The following NUP210 variants were observed in gnomAD, a reference collection of about 807,000 sequenced individuals.
NUP210 encodes the protein nuclear pore membrane glycoprotein 210.
NUP210 carries 151 observed loss-of-function variants against 196.0 expected under a neutral mutation model. That is an observed-to-expected ratio of 0.77 (90% CI 0.67 to 0.88). The LOEUF (loss-of-function observed/expected upper bound fraction) is 0.88. Ranked by LOEUF, NUP210 falls within the 40% of genes least tolerant of loss-of-function variation. The pLI, the probability that NUP210 is intolerant of heterozygous loss-of-function variation, is 0.00. For synonymous variants in NUP210, 1,070 were observed against 1,052.7 expected (o/e 1.02, Z -0.32); for missense variants, 2,314 against 2,493.7 (o/e 0.93, Z 1.53).
intron 39 of NUP210, 140 bp downstream of exon 39, chr3:13,318,932 T>TC: frequency 1.3e-6 from 1 of 769,276 alleles, no homozygotes; most frequent in East Asian, 2.7e-5. Flanking sequence ...GGCTCCCACA[T>TC]CTGTCCTCTG....
Position 13,322,193 on chromosome 3 carries a change from C to T in NUP210, c.4915G>A (p.Gly1639Ser), listed in dbSNP as rs757501189. The change falls in exon 35 of 40, where the codon GGC (glycine) becomes AGC (serine). Residue 1639 changes from glycine to serine, a missense_variant and splice_region_variant. Transcript: ENST00000254508. Reference sequence around the variant, plus strand: ...TTCACTTTCAAATCCTCGCAATTACCGAGAGCAGTGTCAAACTGTGGCTCC... The same window carrying T: ...TTCACTTTCAAATCCTCGCAATTACTGAGAGCAGTGTCAAACTGTGGCTCC... ...TVEPQFDTALGQYFCSITMHR... is the reference protein window; with the variant it reads ...TVEPQFDTALSQYFCSITMHR... The T allele has an allele frequency of 4.8e-5, 78 of 1,614,098 alleles. No homozygotes were observed. Among genetic ancestry groups the T allele is most frequent in the Non-Finnish European group, 6.2e-5 (73 of 1,180,038 alleles).
chr3:13,335,406 T>C (rs771540387), intron 28 of NUP210, 48 bp downstream of exon 28: 1 of 1,584,580 alleles, frequency 6.3e-7, no homozygotes, highest in East Asian at 2.3e-5. Context: ...ATTGGGCAGC[T>C]GGCACTTCCT....
rs1244457303 is a variant in NUP210 at position 13,379,359 on chromosome 3, C to T, written c.976+204G>A. Among the ~76,000 whole-genome samples the T allele has an allele frequency of 6.6e-6, 1 of 152,120 alleles. No individual in the cohort carries two copies. The highest frequency in any genetic ancestry group is 1.5e-5 in the Non-Finnish European group (1 of 68,018). ...GACACTCAGCTCCTGCCATCACCTC[C>T]CACCGCTGGGAGCCTCTGGGGTGAG... On this transcript the variant is annotated intron_variant, in intron 7 of 39. Transcript: ENST00000254508. The surrounding 1 kb of genome is among the most constrained non-coding windows in gnomAD (Gnocchi z 4.2).
In NUP210 at chr3:13,351,918, A is replaced by G. The variant is rs768903515; in HGVS notation, c.2796T>C (p.Val932=). The G allele has an allele frequency of 6.2e-6, 10 of 1,613,798 alleles. No individual in the cohort carries two copies. In the East Asian group the frequency reaches 1.3e-4, roughly 22 times the overall value. Residue 932 remains valine, a synonymous_variant, in exon 20 of 40, where the codon GTT becomes GTC. Coordinates refer to ENST00000254508, the MANE Select transcript of NUP210 (RefSeq NM_024923.4). ...YFFLNTSTAD[V]VKVAYQEARG... ...TGGCCTCCTGGTAGGCCACCTTGAC[A>G]ACATCTGCGGTGCTGGTGTTGAGGA...
chr3:13,342,093 C>CTTCA lies in NUP210; in HGVS notation c.2994_2995insTGAA (p.Val999Ter). ...TTCTTGTGCAAGTCCAGCACGCGGA[C>CTTCA]GTATGCCTTCACTGTCTTCCCAATC... is the stretch of plus-strand genomic sequence containing the variant. On this transcript the variant is annotated stop_gained and frameshift_variant, in exon 22 of 40. Coordinates refer to ENST00000254508, the MANE Select transcript of NUP210 (RefSeq NM_024923.4). LOFTEE classifies it high-confidence loss of function. The CTTCA allele has an allele frequency of 6.2e-7, 1 of 1,614,164 alleles. No individual in the cohort carries two copies. The highest frequency in any genetic ancestry group is 8.5e-7 in the Non-Finnish European group (1 of 1,180,024).
At chr3:13,386,879 C>T (rs7635915) in intron 5 of NUP210, among the ~76,000 whole-genome samples, 3,469 of 152,266 alleles carry the variant, frequency 0.023, 120 homozygotes, top group African/African-American at 0.078. Context: ...CCTTTCACCC[C>T]CGACCTGTGA....
chr3:13,383,551 C>A lies in NUP210; in HGVS notation c.817+2724G>T, dbSNP rs574243145. Among the ~76,000 whole-genome samples, 8 of 108,264 alleles carry A rather than the reference C, an allele frequency of 7.4e-5. No homozygotes were observed. In the East Asian group the frequency reaches 2.3e-3, roughly 31 times the overall value. The allele number at this position is 108,264 out of a possible 152,430, so 71.0% of individuals were successfully genotyped here. On this transcript the variant is annotated intron_variant, in intron 6 of 39. Coordinates refer to ENST00000254508, the MANE Select transcript of NUP210 (RefSeq NM_024923.4). ...TTTTTTTTTTTTTTTGAGACAGAGT[C>A]TCACTCTGTCGCCCAGGCTGGAGTG...
At chr3:13,318,060 G>T (rs564367912) in intron 39 of NUP210, among the ~76,000 whole-genome samples, 1 of 152,220 alleles carries the variant, frequency 6.6e-6, no homozygotes, top group African/African-American at 2.4e-5. Flanking sequence ...CTGTCCAGGG[G>T]GCATGAGGCA....
At position 13,347,302 on chromosome 3, in the gene NUP210, G is replaced by A; in HGVS notation, c.2836-3999C>T. 1.0e-6 allele frequency: 1 copy of A among 985,438 alleles called. No homozygotes were observed. Among genetic ancestry groups the A allele is most frequent in the Non-Finnish European group, 1.2e-6 (1 of 829,926 alleles). 61.0% of individuals were successfully genotyped at this position (985,438 alleles called of 1,614,324 possible). On this transcript the variant is annotated intron_variant, in intron 20 of 39. Coordinates refer to ENST00000254508, the MANE Select transcript of NUP210 (RefSeq NM_024923.4). This position sits in a 1 kb window ranked among gnomAD's most constrained non-coding sequence, Gnocchi z 4.7. ...GCGTCTCTGAGTGCACGAGTTAATGGGAAATGTAAAGTGCCCAGCAGGCTC... is the reference window on the plus strand; with the variant it reads ...GCGTCTCTGAGTGCACGAGTTAATGAGAAATGTAAAGTGCCCAGCAGGCTC...
intron 3 of NUP210, among the ~76,000 whole-genome samples, chr3:13,392,606 C>A (rs1699526192): frequency 1.3e-5 from 2 of 152,234 alleles, no homozygotes; most frequent in Non-Finnish European, 2.9e-5. Flanking sequence ...CCCTTGGATG[C>A]TGCGTCCCCA....
rs777327347 is a variant in NUP210, at chr3:13,351,883, G to A, written c.2831C>T (p.Ala944Val). ...GGACCGATGGCCCAAGCTTACCATG[G>A]CGACACCCCTGGCCTCCTGGTAGGC... ...KVAYQEARGV[A>V]MVHPLLPGSS... is the part of the protein sequence containing the mutation. Residue 944 changes from alanine (A) to valine (V), a missense_variant, in exon 20 of 40, where the codon GCC (alanine) becomes GTC (valine). Transcript: ENST00000254508. 7 of 1,610,906 alleles carry A rather than the reference G, an allele frequency of 4.3e-6. No homozygotes were observed. The Admixed American group carries it at 1.0e-4, about 23-fold the overall frequency.
intron 5 of NUP210, among the ~76,000 whole-genome samples, chr3:13,387,345 G>T (rs533600955): frequency 6.6e-6 from 1 of 152,330 alleles, no homozygotes; most frequent in African/African-American, 2.4e-5. Context: ...GGCAGGGAGG[G>T]CCACTGAATG....
chr3:13,322,415 G>T, intron 34 of NUP210, 76 bp from the exon 35 acceptor site: 1 of 1,520,700 alleles, frequency 6.6e-7, no homozygotes, highest in Non-Finnish European at 9.0e-7. Context: ...GCCTGCACAG[G>T]CTGGCTGGGC....
At chr3:13,364,562 C>T (rs1698468202) in intron 14 of NUP210, among the ~76,000 whole-genome samples, 1 of 152,222 alleles carries the variant, frequency 6.6e-6, no homozygotes, top group Admixed American at 6.5e-5. Context: ...GGCACGGTGG[C>T]TCACGCCTGT....
chr3:13,409,046 G>A (rs1221527261), intron 1 of NUP210, among the ~76,000 whole-genome samples: 1 of 152,136 alleles, frequency 6.6e-6, no homozygotes, highest in Non-Finnish European at 1.5e-5. Flanking sequence ...CAGCTCCCCT[G>A]TAAGTCCAGG....
At chr3:13,410,212 C>G (rs1700122514) in intron 1 of NUP210, among the ~76,000 whole-genome samples, 1 of 145,018 alleles carries the variant, frequency 6.9e-6, no homozygotes, top group Non-Finnish European at 1.5e-5. Context: ...CAGAGTTTCA[C>G]TCTTGTTGCC....
intron 13 of NUP210, among the ~76,000 whole-genome samples, chr3:13,367,439 G>C (rs1189177931): frequency 2.0e-5 from 3 of 152,202 alleles, no homozygotes; most frequent in South Asian, 4.2e-4. Context: ...CTCAGTTAAA[G>C]AAAAATAAAT....
At chr3:13,407,047 C>T (rs1237030414) in intron 1 of NUP210, among the ~76,000 whole-genome samples, 1 of 152,164 alleles carries the variant, frequency 6.6e-6, no homozygotes, top group Non-Finnish European at 1.5e-5. Flanking sequence ...TGATCTTGAC[C>T]AAATGAGCTA....
At chr3:13,388,761 G>A (rs928476924) in intron 4 of NUP210, among the ~76,000 whole-genome samples, 5 of 152,246 alleles carry the variant, frequency 3.3e-5, no homozygotes, top group Middle Eastern at 3.2e-3. Context: ...GAGACCAGCT[G>A]CTGAGTCCAC....
Sources: allele counts gnomAD v4.1 joint callset (sites outside exome capture counted in the v4.1 genomes callset), GRCh38; gene constraint gnomAD v4.1.1; non-coding constraint Gnocchi (gnomAD v3.1); transcripts MANE v1.5; gene names NCBI Gene and HGNC (gene_info 2026-07-23, HGNC 2026-07-21).